Variants in ABCA8 observed in about 807,000 individuals in gnomAD.
The protein encoded by ABCA8 is ATP binding cassette subfamily A member 8, also known as ABC-type organic anion transporter ABCA8.
In ABCA8, 177 loss-of-function variants were observed where a neutral mutation model predicts 192.3. That is an observed-to-expected ratio of 0.92 (90% CI 0.81 to 1.04). The LOEUF (loss-of-function observed/expected upper bound fraction) is 1.04. Among genes scored for constraint, ABCA8 ranks in the 50% least tolerant of loss-of-function variants. The pLI, the probability that ABCA8 is intolerant of heterozygous loss-of-function variation, is 0.00. For missense variants in ABCA8, 1,915 were observed against 1,904.8 expected, an observed-to-expected ratio of 1.01 and a Z score of -0.10; for synonymous variants, 642 against 690.2, an observed-to-expected ratio of 0.93 and a Z score of 1.09.
rs534087820 is a variant in ABCA8 at position 68,899,735 on chromosome 17, G to C, written c.2764+2978C>G. Reference sequence around the variant, plus strand: ...AAACAAGCCTCAACACATCCAAAACGGTTGAAATTTTATAAACTATGATCT... The same window carrying C: ...AAACAAGCCTCAACACATCCAAAACCGTTGAAATTTTATAAACTATGATCT... On this transcript the variant is annotated intron_variant, in intron 21 of 39. Coordinates refer to ENST00000586539, the MANE Select transcript of ABCA8 (RefSeq NM_001288985.2). Among the ~76,000 whole-genome samples, 358 of 151,996 alleles carry C rather than the reference G, an allele frequency of 2.4e-3. 1 individual carries two copies. The highest frequency in any genetic ancestry group is 4.2e-3 in the Non-Finnish European group (282 of 67,898).
In ABCA8 at chr17:68,945,215, G is replaced by C. The variant is rs541468294; in HGVS notation, c.-5-3176C>G. Among the ~76,000 whole-genome samples the C allele has an allele frequency of 2.4e-4, 36 of 152,112 alleles. 1 individual carries two copies. The South Asian group carries it at 7.3e-3, about 31-fold the overall frequency. On this transcript the variant is annotated intron_variant, in intron 2 of 39. Coordinates refer to ENST00000586539, the MANE Select transcript of ABCA8 (RefSeq NM_001288985.2). ...TTATTTACAAACATGGAGTGTGTAG[G>C]GTATCTCAGTATTAGAATTTGTGTT... is the stretch of plus-strand genomic sequence containing the variant.
At chr17:68,921,267 G>C (rs946445450) in intron 13 of ABCA8, 115 bp downstream of exon 13, 1 of 538,978 alleles carries the variant, frequency 1.9e-6, no homozygotes, top group Non-Finnish European at 3.2e-6. Context: ...GCGTTAATGG[G>C]TGCAGCACAC....
chr17:68,932,116 A>T (rs2067906267), intron 7 of ABCA8, 172 bp downstream of exon 7: 3 of 489,770 alleles, frequency 6.1e-6, no homozygotes, highest in Middle Eastern at 3.1e-4. Flanking sequence ...AGGCCGAGGC[A>T]GGAGAATGGC....
intron 24 of ABCA8, among the ~76,000 whole-genome samples, chr17:68,887,925 T>TCTATATATATATATATTA: frequency 9.9e-6 from 1 of 101,032 alleles, no homozygotes; most frequent in Non-Finnish European, 1.9e-5. Context: ...TATATATATA[T>TCTATATATATATATATTA]TATATATGGA....
rs532942538 is a variant in ABCA8 at position 68,872,516 on chromosome 17, A to G, written c.4632-2737T>C. Among the ~76,000 whole-genome samples the G allele has an allele frequency of 4.5e-3, 676 of 151,578 alleles. 8 individuals carry two copies. The highest frequency in any genetic ancestry group is 0.014 in the African/African-American group (590 of 41,392). The stretch of plus-strand genomic sequence containing the variant: ...TGGGTGCAGCGCACCAGCATGGCAC[A>G]TGTATACATATGTAACTAACCTGCA... On this transcript the variant is annotated intron_variant, in intron 37 of 39. Transcript: ENST00000586539.
intron 1 of ABCA8, among the ~76,000 whole-genome samples, chr17:68,952,941 C>T (rs2068610406): frequency 6.6e-6 from 1 of 151,926 alleles, no homozygotes; most frequent in Non-Finnish European, 1.5e-5. Context: ...GGAATTTATA[C>T]ATACAGTTTA....
chr17:68,920,292 C>T (rs2067498599), intron 13 of ABCA8, among the ~76,000 whole-genome samples: 1 of 152,052 alleles, frequency 6.6e-6, no homozygotes, highest in Non-Finnish European at 1.5e-5. Context: ...GAAAAGATAA[C>T]TATTGGGTAC....
chr17:68,932,252 T>G, intron 7 of ABCA8, 36 bp downstream of exon 7: 1 of 1,497,464 alleles, frequency 6.7e-7, no homozygotes. Context: ...TTTCCTGAGT[T>G]CCTCCGTTTA....
At chr17:68,887,642 G>A (rs992477350) in intron 24 of ABCA8, 136 bp from the exon 25 acceptor site, 9 of 695,136 alleles carry the variant, frequency 1.3e-5, no homozygotes, top group South Asian at 3.1e-5. Flanking sequence ...TAAGGGATGT[G>A]GATAGTTACA....
chr17:68,935,262 T>TTGTGTGTGTGTGTGTGTGTGTGTG (rs71144641), intron 5 of ABCA8, among the ~76,000 whole-genome samples: 1,813 of 135,956 alleles, frequency 0.013, 63 homozygotes, highest in African/African-American at 0.048. Context: ...GCCTGGCTAA[T>TTGTGTGTGTGTGTGTGTGTGTGTG]TGTGTGTGTG....
intron 5 of ABCA8, among the ~76,000 whole-genome samples, chr17:68,936,358 T>A (rs150869523): frequency 6.6e-6 from 1 of 152,200 alleles, no homozygotes; most frequent in Non-Finnish European, 1.5e-5. Context: ...TTTTTGTATA[T>A]GGTGAGAGAT....
At chr17:68,903,167 T>A in intron 20 of ABCA8, 134 bp downstream of exon 20, 1 of 966,320 alleles carries the variant, frequency 1.0e-6, no homozygotes, top group Non-Finnish European at 1.5e-6. Flanking sequence ...CCTGTGCTTC[T>A]TCCACTGTGA....
intron 21 of ABCA8, among the ~76,000 whole-genome samples, chr17:68,898,885 TA>T (rs1022512622): frequency 6.6e-6 from 1 of 152,114 alleles, no homozygotes; most frequent in African/African-American, 2.4e-5. Flanking sequence ...ATCACATCTA[TA>T]TGTTTTTAAA....
At chr17:68,927,809 A>T in intron 10 of ABCA8, 107 bp downstream of exon 10, 2 of 880,850 alleles carry the variant, frequency 2.3e-6, no homozygotes, top group Non-Finnish European at 3.3e-6. Context: ...TTTGCTGTTG[A>T]TACACAAAAT....
At chr17:68,875,812 T>A (rs905855526) in intron 35 of ABCA8, 79 bp from the exon 36 acceptor site, 40 of 1,476,826 alleles carry the variant, frequency 2.7e-5, no homozygotes, top group Non-Finnish European at 3.5e-5. Context: ...AATTTTTAAC[T>A]GGCATGCGTG....
chr17:68,889,683 A>C (rs1325346071), intron 24 of ABCA8, among the ~76,000 whole-genome samples: 1 of 152,174 alleles, frequency 6.6e-6, no homozygotes, highest in African/African-American at 2.4e-5. Context: ...GATCCTTTGC[A>C]GTCAATAGCC....
At chr17:68,936,434 A>T (rs139318098) in intron 5 of ABCA8, among the ~76,000 whole-genome samples, 1 of 152,088 alleles carries the variant, frequency 6.6e-6, no homozygotes, top group African/African-American at 2.4e-5. Flanking sequence ...ATTGAAAAGG[A>T]TTTTTCCCCC....
At chr17:68,876,821 C>A in intron 33 of ABCA8, 118 bp from the exon 34 acceptor site, 2 of 1,219,018 alleles carry the variant, frequency 1.6e-6, no homozygotes, top group South Asian at 1.3e-5. Flanking sequence ...TACATGTGGT[C>A]GGGGGGCAGG....
intron 2 of ABCA8, among the ~76,000 whole-genome samples, chr17:68,948,663 TG>T (rs2068484444): frequency 6.6e-6 from 1 of 152,224 alleles, no homozygotes; most frequent in Non-Finnish European, 1.5e-5. Context: ...ATGGGTAGAT[TG>T]CAAAAATTTT....
Sources: gnomAD v4.1 joint callset for allele counts (sites outside exome capture counted in the v4.1 genomes callset) on GRCh38, gnomAD v4.1.1 for gene constraint, MANE v1.5 for transcripts, NCBI Gene and HGNC (gene_info 2026-07-23, HGNC 2026-07-21) for gene names.